HS6ST2: variants seen among roughly 807,000 people sequenced by gnomAD.
HS6ST2 encodes the protein heparan-sulfate 6-O-sulfotransferase 2.
HS6ST2 carries 17 observed loss-of-function variants against 33.0 expected under a neutral mutation model. The ratio of observed to expected loss-of-function variants is 0.52; its 90% CI spans 0.35 to 0.77. The LOEUF (loss-of-function observed/expected upper bound fraction) is 0.77, where lower values mean the gene tolerates loss of function less well. HS6ST2 is among the 30% of genes least tolerant of loss of function. The pLI is 0.01. For synonymous variants in HS6ST2, 248 were observed against 237.1 expected (o/e 1.05, Z -0.42); for missense variants, 519 against 551.7 (o/e 0.94, Z 0.59).
chrX:132,745,086 T>G (rs1009581112), intron 2 of HS6ST2, among the ~76,000 whole-genome samples: 7 of 111,418 alleles, frequency 6.3e-5, no homozygotes, highest in Non-Finnish European at 1.9e-5. Context: ...CCACAGGTTT[T>G]TTTATTATTA....
At chrX:132,927,327 C>T (rs1292355245) in intron 2 of HS6ST2, among the ~76,000 whole-genome samples, 2 of 111,583 alleles carry the variant, frequency 1.8e-5, no homozygotes, top group Admixed American at 9.5e-5. Context: ...TCTTGCCACT[C>T]TCCAGCCCCT....
chrX:132,939,277 C>G (rs2066861468), intron 2 of HS6ST2, among the ~76,000 whole-genome samples: 1 of 111,030 alleles, frequency 9.0e-6, no homozygotes, highest in Non-Finnish European at 1.9e-5. Context: ...CTCTGAAAAA[C>G]TATTAGAACT....
At chrX:132,673,140 A>G (rs992845210) in intron 3 of HS6ST2, among the ~76,000 whole-genome samples, 1 of 112,454 alleles carries the variant, frequency 8.9e-6, no homozygotes, top group African/African-American at 3.2e-5. Context: ...TTTGGCTATG[A>G]TATTTATTGT....
At chrX:132,957,351 G>C in intron 1 of HS6ST2, 25 bp from the exon 2 acceptor site, 4 of 1,143,439 alleles carry the variant, frequency 3.5e-6, no homozygotes, top group African/African-American at 1.8e-5. Flanking sequence ...AGCTCGTTAC[G>C]TCAATCCCGC....
At chrX:132,698,650 C>T (rs1255011812) in intron 3 of HS6ST2, among the ~76,000 whole-genome samples, 1 of 111,640 alleles carries the variant, frequency 9.0e-6, no homozygotes, top group Non-Finnish European at 1.9e-5. Context: ...GACCTGGCCC[C>T]ATATCATTTT....
chrX:132,711,866 C>T (rs1194790613), intron 2 of HS6ST2, among the ~76,000 whole-genome samples: 5 of 111,194 alleles, frequency 4.5e-5, no homozygotes, highest in African/African-American at 1.6e-4. Context: ...ACAATTGACC[C>T]TCTTGCACCG....
In HS6ST2 at chrX:132,727,555, A is replaced by C. The variant is rs368265035; in HGVS notation, c.948-19061T>G. Among the ~76,000 whole-genome samples the C allele has an allele frequency of 4.5e-5, 5 of 111,609 alleles. No individual in the cohort carries two copies. The South Asian group carries it at 1.6e-3, about 35-fold the overall frequency. ...GGCTTGGGTTCCTTATTCCACACAC[A>C]TTCATAAGAGAAACTAGCTCGAAAG... is the stretch of plus-strand genomic sequence containing the variant. On this transcript the variant is annotated intron_variant, in intron 2 of 4. Coordinates refer to ENST00000370833, the MANE Select transcript of HS6ST2 (RefSeq NM_001394073.1).
At chrX:132,815,781 C>A (rs1602708849) in intron 2 of HS6ST2, among the ~76,000 whole-genome samples, 1 of 111,404 alleles carries the variant, frequency 9.0e-6, no homozygotes, top group African/African-American at 3.3e-5. Flanking sequence ...CTCTCAAAGG[C>A]AGGTACTGTG....
At chrX:132,757,606 TTCTC>T (rs373369533) in intron 2 of HS6ST2, among the ~76,000 whole-genome samples, 227 of 106,639 alleles carry the variant, frequency 2.1e-3, no homozygotes, top group African/African-American at 6.7e-3. Flanking sequence ...GCCCTTTGTG[TTCTC>T]TCTCTCTCTC....
intron 4 of HS6ST2, among the ~76,000 whole-genome samples, chrX:132,653,227 G>C (rs2063706837): frequency 9.0e-6 from 1 of 111,476 alleles, no homozygotes; most frequent in South Asian, 3.8e-4. Context: ...GCAGCTCTAG[G>C]TTTCACCGAA....
At chrX:132,901,664 T>C (rs1017223003) in intron 2 of HS6ST2, among the ~76,000 whole-genome samples, 6 of 111,639 alleles carry the variant, frequency 5.4e-5, no homozygotes, top group African/African-American at 2.0e-4. Context: ...CCAAATATCC[T>C]ATGCCTTGGC....
intron 2 of HS6ST2, among the ~76,000 whole-genome samples, chrX:132,772,565 C>A (rs2064910824): frequency 9.8e-6 from 1 of 101,810 alleles, no homozygotes; most frequent in Non-Finnish European, 2.0e-5. Context: ...TTATATTGTA[C>A]ACAATAAAAA....
At chrX:132,702,563 A>T (rs187307239) in intron 3 of HS6ST2, among the ~76,000 whole-genome samples, 2 of 112,092 alleles carry the variant, frequency 1.8e-5, no homozygotes, top group East Asian at 5.6e-4. Context: ...GAGAATGCAT[A>T]CCGAGTCCAG....
At chrX:132,695,111 C>T (rs1022499923) in intron 3 of HS6ST2, among the ~76,000 whole-genome samples, 1 of 110,973 alleles carries the variant, frequency 9.0e-6, no homozygotes, top group African/African-American at 3.3e-5. Context: ...CATCCTCTCT[C>T]GCTAGCTACA....
chrX:132,858,805 C>A (rs1341349390), intron 2 of HS6ST2, among the ~76,000 whole-genome samples: 2 of 112,266 alleles, frequency 1.8e-5, no homozygotes, highest in Admixed American at 1.9e-4. Flanking sequence ...AATATCCCCT[C>A]CTGGGATAGC....
At chrX:132,832,532 C>T (rs780694877) in intron 2 of HS6ST2, among the ~76,000 whole-genome samples, 4 of 111,776 alleles carry the variant, frequency 3.6e-5, no homozygotes, top group Non-Finnish European at 7.5e-5. Context: ...TTTTCTCTTA[C>T]TTTTTAAATT....
At chrX:132,873,783 A>T (rs769036101) in intron 2 of HS6ST2, among the ~76,000 whole-genome samples, 1 of 111,534 alleles carries the variant, frequency 9.0e-6, no homozygotes, top group South Asian at 3.8e-4. Flanking sequence ...TAAGAATAGA[A>T]GTATCCATAT....
chrX:132,684,228 T>C (rs890607919), intron 3 of HS6ST2, among the ~76,000 whole-genome samples: 2 of 102,567 alleles, frequency 1.9e-5, no homozygotes, highest in Middle Eastern at 4.9e-3. Flanking sequence ...TATATACATA[T>C]ATATATATAT....
At position 132,707,944 on chromosome X, in the gene HS6ST2, G is replaced by C. The variant is rs764355728; in HGVS notation, c.980+518C>G. Reference sequence around the variant, plus strand: ...ATGTCAAAAAGGCCTCTGGCCTATGGGATTACTTGTAAATATGCAAGTCTA... The same window carrying C: ...ATGTCAAAAAGGCCTCTGGCCTATGCGATTACTTGTAAATATGCAAGTCTA... On this transcript the variant is annotated intron_variant, in intron 3 of 4. Coordinates refer to ENST00000370833, the MANE Select transcript of HS6ST2 (RefSeq NM_001394073.1). Among the ~76,000 whole-genome samples the C allele has an allele frequency of 5.4e-5, 6 of 111,245 alleles. No individual in the cohort carries two copies. The South Asian group carries it at 2.3e-3, about 43-fold the overall frequency.
Sources: allele counts gnomAD v4.1 joint callset (sites outside exome capture counted in the v4.1 genomes callset), GRCh38; gene constraint gnomAD v4.1.1; transcripts MANE v1.5; gene names NCBI Gene and HGNC (gene_info 2026-07-23, HGNC 2026-07-21).